The following ATP2B1 variants were observed in gnomAD, a reference collection of about 807,000 sequenced individuals.
The protein encoded by ATP2B1 is plasma membrane calcium-transporting ATPase 1.
A neutral mutation model predicts 124.2 loss-of-function variants in ATP2B1; 14 were observed. That is an observed-to-expected ratio of 0.11 (90% confidence interval 0.07 to 0.18). The LOEUF (loss-of-function observed/expected upper bound fraction) is 0.18, where lower values mean the gene tolerates loss of function less well. Ranked by LOEUF, ATP2B1 falls within the 10% of genes least tolerant of loss-of-function variation. The pLI is 1.00. For missense variants in ATP2B1, 763 were observed against 1,466.1 expected, an observed-to-expected ratio of 0.52 and a Z score of 7.83; for synonymous variants, 449 against 492.4, an observed-to-expected ratio of 0.91 and a Z score of 1.17.
intron 1 of ATP2B1, among the ~76,000 whole-genome samples, chr12:89,664,724 A>T (rs1411516411): frequency 2.0e-5 from 3 of 152,220 alleles, no homozygotes; most frequent in Non-Finnish European, 4.4e-5. Context: ...TGGTCTGGAG[A>T]GCCACTACTG....
chr12:89,677,562 T>A (rs537076859), intron 1 of ATP2B1, among the ~76,000 whole-genome samples: 52 of 152,130 alleles, frequency 3.4e-4, no homozygotes, highest in Non-Finnish European at 6.2e-4. Context: ...CTTCTCTGCA[T>A]CCTCCTCTAC....
intron 20 of ATP2B1, chr12:89,593,624 T>A (rs1874013411): frequency 6.6e-6 from 1 of 152,046 alleles, no homozygotes; most frequent in Non-Finnish European, 1.5e-5. Context: ...AAGTTAGAGA[T>A]TTGAGAGTTA....
At chr12:89,665,568 G>C (rs1202559818) in intron 1 of ATP2B1, among the ~76,000 whole-genome samples, 1 of 152,118 alleles carries the variant, frequency 6.6e-6, no homozygotes, top group South Asian at 2.1e-4. Context: ...ATATAATCCT[G>C]TGCAGTTTAC....
intron 15 of ATP2B1, 73 bp downstream of exon 15, chr12:89,609,864 C>T: frequency 2.2e-6 from 3 of 1,365,434 alleles, no homozygotes; most frequent in Non-Finnish European, 3.1e-6. Flanking sequence ...GTAATTTAGT[C>T]AACAAACAAA....
At chr12:89,653,134 G>A (rs1352900071) in intron 2 of ATP2B1, among the ~76,000 whole-genome samples, 2 of 152,076 alleles carry the variant, frequency 1.3e-5, no homozygotes, top group Non-Finnish European at 2.9e-5. Context: ...TATATAAACA[G>A]TGAGGACAAG....
chr12:89,647,955 C>G (rs1227409353), intron 2 of ATP2B1, among the ~76,000 whole-genome samples: 1 of 152,192 alleles, frequency 6.6e-6, no homozygotes, highest in African/African-American at 2.4e-5. Context: ...TGAGTAAAAG[C>G]ACTCTGAGAC....
intron 12 of ATP2B1, among the ~76,000 whole-genome samples, chr12:89,613,646 C>G (rs1414377142): frequency 6.6e-6 from 1 of 152,032 alleles, no homozygotes; most frequent in Non-Finnish European, 1.5e-5. Context: ...TCTAAGCAGT[C>G]CTTGATTAGG....
chr12:89,590,212 G>T lies in ATP2B1; in HGVS notation c.*772C>A, dbSNP rs954037294. ...GCTTCAAAACCATTAAGTAGTAAAT[G>T]TATTTAAGAAACTAATTAGGACAGA... On this transcript the variant is annotated 3_prime_UTR_variant, in exon 21 of 21. Transcript: ENST00000428670. The T allele has an allele frequency of 6.6e-6, 1 of 152,434 alleles. No homozygotes were observed. The highest frequency in any genetic ancestry group is 1.5e-5 in the Non-Finnish European group (1 of 67,998). The allele number at this position is 152,434 out of a possible 1,614,324, so 9.4% of individuals were successfully genotyped here.
chr12:89,619,632 A>AAG (rs1555197519), intron 11 of ATP2B1, among the ~76,000 whole-genome samples: 20 of 151,418 alleles, frequency 1.3e-4, no homozygotes, highest in Non-Finnish European at 2.5e-4. Context: ...AAAAAAAAAA[A>AAG]AAAGAAAGAA....
intron 1 of ATP2B1, among the ~76,000 whole-genome samples, chr12:89,667,996 A>G (rs1380981061): frequency 6.6e-6 from 1 of 152,216 alleles, no homozygotes; most frequent in Non-Finnish European, 1.5e-5. Flanking sequence ...AGTGTTAGCC[A>G]GGTACGTGAC....
intron 1 of ATP2B1, among the ~76,000 whole-genome samples, chr12:89,701,428 T>C (rs1403355204): frequency 5.3e-5 from 8 of 152,214 alleles, no homozygotes; most frequent in Admixed American, 5.2e-4. Context: ...TAGAACTTTA[T>C]CCAGCAAATG....
intron 15 of ATP2B1, among the ~76,000 whole-genome samples, chr12:89,609,119 A>AAAACCT (rs544532469): frequency 4.9e-4 from 75 of 152,332 alleles, no homozygotes; most frequent in Middle Eastern, 6.8e-3. Context: ...CTCTCATCTG[A>AAAACCT]AAACCTTAGG....
chr12:89,671,668 T>G (rs1466606501), intron 1 of ATP2B1, among the ~76,000 whole-genome samples: 3 of 152,002 alleles, frequency 2.0e-5, no homozygotes, highest in Non-Finnish European at 1.5e-5. Context: ...TCTGCCTACA[T>G]ACTCACTAAG....
At chr12:89,620,449 C>T (rs1879771288) in intron 10 of ATP2B1, among the ~76,000 whole-genome samples, 2 of 152,162 alleles carry the variant, frequency 1.3e-5, no homozygotes, top group African/African-American at 4.8e-5. Context: ...CAGTTACTAG[C>T]TACGTGAAAT....
At position 89,588,898 on chromosome 12, in the gene ATP2B1, G is replaced by A. The variant is rs1017001939; in HGVS notation, c.*2086C>T. 2.3e-4 allele frequency: 35 copies of A among 152,476 alleles called. 1 individual carries two copies. The Admixed American group carries it at 2.3e-3, about 10-fold the overall frequency. The allele number at this position is 152,476 out of a possible 1,614,324, so 9.4% of individuals were successfully genotyped here. On this transcript the variant is annotated 3_prime_UTR_variant, in exon 21 of 21. Transcript: ENST00000428670. ...CCAGTTGATAGGGTCAATTTTTAGA[G>A]TTGAAAGGGTTCTTCAAGATAGTCC... is the stretch of plus-strand genomic sequence containing the variant.
Position 89,634,817 on chromosome 12 carries a change from C to T in ATP2B1, c.748G>A (p.Val250Ile), listed in dbSNP as rs1208222139. The T allele has an allele frequency of 6.2e-7, 1 of 1,609,948 alleles. No individual in the cohort carries two copies. The highest frequency in any genetic ancestry group is 1.3e-5 in the African/African-American group (1 of 74,678). ...GGATCCTTATCTAAAGACTTTTTAA[C>T]ATGATCTGATTCACCAGTCAATGAG... ...ESSLTGESDH[V>I]KKSLDKDPLL... Residue 250 changes from valine to isoleucine, a missense_variant, in exon 5 of 21, where the codon GTT becomes ATT. By Grantham distance (29) the Val-to-Ile change is conservative. Transcript: ENST00000428670.
At chr12:89,700,736 T>C (rs1054937828) in intron 1 of ATP2B1, among the ~76,000 whole-genome samples, 3 of 152,204 alleles carry the variant, frequency 2.0e-5, no homozygotes, top group Non-Finnish European at 4.4e-5. Flanking sequence ...TGACCAACAA[T>C]TTTATTATGA....
chr12:89,591,746 AC>A (rs1316825575), intron 20 of ATP2B1, among the ~76,000 whole-genome samples: 1 of 152,044 alleles, frequency 6.6e-6, no homozygotes, highest in African/African-American at 2.4e-5. Context: ...TTAGGGTGTC[AC>A]CGACCATGAA....
chr12:89,681,477 C>T (rs901110610), intron 1 of ATP2B1, among the ~76,000 whole-genome samples: 10 of 151,154 alleles, frequency 6.6e-5, no homozygotes, highest in Non-Finnish European at 1.3e-4. Context: ...GCCTCCCAGA[C>T]TCAAGTGATT....
Sources: gnomAD v4.1 joint callset for allele counts (sites outside exome capture counted in the v4.1 genomes callset) on GRCh38, gnomAD v4.1.1 for gene constraint, MANE v1.5 for transcripts, NCBI Gene and HGNC (gene_info 2026-07-23, HGNC 2026-07-21) for gene names.